Variants in CTNNA2 observed in about 807,000 individuals in gnomAD.
CTNNA2 encodes the protein catenin alpha-2.
In CTNNA2, 42 loss-of-function variants were observed where a neutral mutation model predicts 101.0. The ratio of observed to expected loss-of-function variants is 0.42; its 90% CI spans 0.32 to 0.54. The LOEUF (loss-of-function observed/expected upper bound fraction) is 0.54. Ranked by LOEUF, CTNNA2 falls within the 20% of genes least tolerant of loss-of-function variation. The pLI is 0.14. For missense variants in CTNNA2, 871 were observed against 1,223.1 expected, an observed-to-expected ratio of 0.71 and a Z score of 4.29; for synonymous variants, 450 against 456.4, an observed-to-expected ratio of 0.99 and a Z score of 0.18.
intron 18 of CTNNA2, among the ~76,000 whole-genome samples, chr2:80,633,921 A>G (rs1573522829): frequency 6.6e-6 from 1 of 152,162 alleles, no homozygotes; most frequent in Non-Finnish European, 1.5e-5. Context: ...ATAGATACGT[A>G]TTGCAATTTG....
At chr2:79,646,524 C>CT (rs67454188) in intron 1 of CTNNA2, among the ~76,000 whole-genome samples, 42,437 of 106,164 alleles carry the variant, frequency 0.4, 9,067 homozygotes, top group East Asian at 0.58. Flanking sequence ...TTCTTTCTGT[C>CT]TTTTTTTTTT....
At chr2:79,310,324 T>C (rs1022733179) in intron 2 of CTNNA2, among the ~76,000 whole-genome samples, 1 of 152,190 alleles carries the variant, frequency 6.6e-6, no homozygotes, top group Non-Finnish European at 1.5e-5. Flanking sequence ...ATGGAGGTTT[T>C]TGAAAATATT....
chr2:79,671,963 T>C (rs141211902), intron 2 of CTNNA2, among the ~76,000 whole-genome samples: 1 of 152,348 alleles, frequency 6.6e-6, no homozygotes, highest in Non-Finnish European at 1.5e-5. Flanking sequence ...GGAAAGTTAA[T>C]TTACAGCTCA....
Position 79,792,611 on chromosome 2 carries a change from GA to G in CTNNA2, c.298+48039del, listed in dbSNP as rs112467477. 2.7e-3 allele frequency among the ~76,000 whole-genome samples: 402 copies of G among 149,344 alleles called. 2 individuals are homozygous for G. The highest frequency in any genetic ancestry group is 3.8e-3 in the African/African-American group (155 of 40,798). On this transcript the variant is annotated intron_variant, in intron 3 of 18. Transcript: ENST00000402739. The stretch of plus-strand genomic sequence containing the variant: ...AATGAGTTGCCCCTACCTTTTTTGG[GA>G]AAAAAAAAATTAAGCTTGTGAAGTT...
In CTNNA2 at chr2:79,541,369, T is replaced by C. The variant is rs1373295535; in HGVS notation, c.-6+28162T>C. 2.7e-5 allele frequency among the ~76,000 whole-genome samples: 4 copies of C among 150,074 alleles called. No individual in the cohort carries two copies. The Admixed American group carries it at 2.7e-4, about 10-fold the overall frequency. ...TACACACACACAATGTTTACACATA[T>C]GTATAAATACATACATATACTTGTA... On this transcript the variant is annotated intron_variant, in intron 1 of 18. Coordinates refer to ENST00000402739, the MANE Select transcript of CTNNA2 (RefSeq NM_001282597.3).
At chr2:80,485,911 C>T (rs894207650) in intron 9 of CTNNA2, among the ~76,000 whole-genome samples, 2 of 152,062 alleles carry the variant, frequency 1.3e-5, no homozygotes, top group Non-Finnish European at 2.9e-5. Context: ...TGGTATTTTG[C>T]AAAGCAAGTT....
intron 4 of CTNNA2, among the ~76,000 whole-genome samples, chr2:79,374,676 A>G (rs1430343921): frequency 1.3e-5 from 2 of 152,124 alleles, no homozygotes; most frequent in African/African-American, 2.4e-5. Flanking sequence ...TTGGGAGATG[A>G]TGTATCAGCA....
At chr2:80,374,813 C>A (rs1363523543) in intron 7 of CTNNA2, among the ~76,000 whole-genome samples, 1 of 151,822 alleles carries the variant, frequency 6.6e-6, no homozygotes, top group East Asian at 1.9e-4. Flanking sequence ...CTTTAAAGGT[C>A]GTATCGCCCA....
At chr2:80,584,763 G>GT (rs757791266) in intron 14 of CTNNA2, among the ~76,000 whole-genome samples, 1 of 152,084 alleles carries the variant, frequency 6.6e-6, no homozygotes, top group Non-Finnish European at 1.5e-5. Flanking sequence ...ATGATAAAAT[G>GT]TATCACAGGA....
intron 2 of CTNNA2, among the ~76,000 whole-genome samples, chr2:79,702,945 A>T (rs1274090394): frequency 6.6e-6 from 1 of 152,212 alleles, no homozygotes; most frequent in Non-Finnish European, 1.5e-5. Context: ...GCAGCCCTTC[A>T]AACACAGGAG....
chr2:79,494,811 T>C (rs939207587), intron 4 of CTNNA2, among the ~76,000 whole-genome samples: 3 of 152,152 alleles, frequency 2.0e-5, no homozygotes, highest in African/African-American at 7.2e-5. Flanking sequence ...AGAATTTTTT[T>C]CAAAATTAAA....
chr2:79,963,639 A>G (rs1351978903), intron 7 of CTNNA2, among the ~76,000 whole-genome samples: 1 of 152,176 alleles, frequency 6.6e-6, no homozygotes, highest in Admixed American at 6.5e-5. Flanking sequence ...AGAAATAGAC[A>G]TGAGTTTAAT....
intron 3 of CTNNA2, among the ~76,000 whole-genome samples, chr2:79,814,638 C>CACACACACACATAT (rs145584853): frequency 6.2e-4 from 91 of 147,058 alleles, no homozygotes; most frequent in African/African-American, 2.0e-3. Context: ...CACACACACA[C>CACACACACACATAT]ATATATATAT....
intron 9 of CTNNA2, among the ~76,000 whole-genome samples, chr2:80,472,817 C>T (rs1290588929): frequency 6.6e-6 from 1 of 152,066 alleles, no homozygotes; most frequent in African/African-American, 2.4e-5. Context: ...GACACATTCT[C>T]CCGTAGAACA....
chr2:79,576,984 A>C (rs1240601244), intron 1 of CTNNA2, among the ~76,000 whole-genome samples: 1 of 152,118 alleles, frequency 6.6e-6, no homozygotes, highest in East Asian at 1.9e-4. Flanking sequence ...CATGTTCTTC[A>C]TGGGGGTTTT....
chr2:80,446,696 G>C (rs1432341200), intron 9 of CTNNA2, among the ~76,000 whole-genome samples: 1 of 152,064 alleles, frequency 6.6e-6, no homozygotes, highest in Non-Finnish European at 1.5e-5. Context: ...CTTTTCAACA[G>C]GACGTTTCAA....
Position 79,552,034 on chromosome 2 carries a change from C to T in CTNNA2, c.-6+38827C>T, listed in dbSNP as rs557325604. On this transcript the variant is annotated intron_variant, in intron 1 of 18. Coordinates refer to ENST00000402739, the MANE Select transcript of CTNNA2 (RefSeq NM_001282597.3). ...TCACATTTCATTCCCAACATTCCCC[C>T]GAAGTCTTAACTCATCCCAGCATTA... Among the ~76,000 whole-genome samples, 97 of 152,262 alleles carry T rather than the reference C, an allele frequency of 6.4e-4. 1 individual carries two copies. Among genetic ancestry groups the T allele is most frequent in the Non-Finnish European group, 1.2e-3 (82 of 68,022 alleles).
chr2:80,293,140 G>A (rs914615186), intron 7 of CTNNA2, among the ~76,000 whole-genome samples: 3 of 152,224 alleles, frequency 2.0e-5, no homozygotes, highest in Non-Finnish European at 4.4e-5. Flanking sequence ...CAAAATAACA[G>A]AGTGAGTGGT....
intron 7 of CTNNA2, among the ~76,000 whole-genome samples, chr2:80,275,260 G>T (rs1673805055): frequency 6.6e-6 from 1 of 152,096 alleles, no homozygotes; most frequent in South Asian, 2.1e-4. Flanking sequence ...AAAAGGCAAG[G>T]CAATCATCAA....
Sources: allele counts gnomAD v4.1 joint callset (sites outside exome capture counted in the v4.1 genomes callset), GRCh38; gene constraint gnomAD v4.1.1; transcripts MANE v1.5; gene names NCBI Gene and HGNC (gene_info 2026-07-23, HGNC 2026-07-21).